The following UBP1 variants were observed in gnomAD, a reference collection of about 807,000 sequenced individuals.
The protein encoded by UBP1 is upstream binding protein 1.
UBP1 carries 22 observed loss-of-function variants against 76.1 expected under a neutral mutation model. The observed-to-expected ratio is 0.29, with a 90% CI of 0.21 to 0.41. The LOEUF (loss-of-function observed/expected upper bound fraction) is 0.41, where lower values mean the gene tolerates loss of function less well. Ranked by LOEUF, UBP1 falls within the 10% of genes least tolerant of loss-of-function variation. The pLI is 1.00. For synonymous variants in UBP1, 224 were observed against 237.1 expected (o/e 0.94, Z 0.51); for missense variants, 436 against 668.1 (o/e 0.65, Z 3.83).
intron 11 of UBP1, chr3:33,398,259 A>AT (rs975352680): frequency 6.6e-5 from 10 of 152,326 alleles, no homozygotes; most frequent in African/African-American, 2.4e-4. Flanking sequence ...TCATCTTTCT[A>AT]TTTTTTAAAG....
At chr3:33,432,048 C>A (rs1284057540) in intron 1 of UBP1, among the ~76,000 whole-genome samples, 2 of 152,164 alleles carry the variant, frequency 1.3e-5, no homozygotes, top group Non-Finnish European at 2.9e-5. Context: ...TTAAAACTGG[C>A]TGGGTGCAGT....
chr3:33,430,978 G>A (rs895887733), intron 1 of UBP1, among the ~76,000 whole-genome samples: 2 of 151,996 alleles, frequency 1.3e-5, no homozygotes, highest in African/African-American at 4.8e-5. Context: ...TTATAAAATC[G>A]TACTTACTCT....
Position 33,392,599 on chromosome 3 carries a change from G to GA in UBP1, c.1548dup (p.Gln517SerfsTer3). On this transcript the variant is annotated frameshift_variant, in exon 15 of 16. Coordinates refer to ENST00000283629, the MANE Select transcript of UBP1 (RefSeq NM_014517.5). LOFTEE classifies it high-confidence loss of function. ...GAGAATAAAAAACAACTCTCATCTT[G>GA]AAAATTCTGAACCATCTGGAAGGAT... 1 of 1,611,866 alleles carries GA rather than the reference G, an allele frequency of 6.2e-7. No individual in the cohort carries two copies. Among genetic ancestry groups the GA allele is most frequent in the South Asian group, 1.1e-5 (1 of 90,588 alleles).
intron 8 of UBP1, among the ~76,000 whole-genome samples, chr3:33,407,537 C>T (rs1290074815): frequency 1.4e-5 from 2 of 141,906 alleles, no homozygotes; most frequent in Admixed American, 7.2e-5. Flanking sequence ...ATCTTTGATT[C>T]GAATTTATTT....
intron 13 of UBP1, among the ~76,000 whole-genome samples, chr3:33,394,424 T>TC (rs1017517480): frequency 3.9e-4 from 59 of 151,928 alleles, no homozygotes; most frequent in African/African-American, 1.4e-3. Flanking sequence ...TATATGCCCC[T>TC]CCCCCACAAA....
intron 15 of UBP1, chr3:33,391,111 T>C (rs888820569): frequency 2.8e-4 from 43 of 152,370 alleles, no homozygotes; most frequent in African/African-American, 7.7e-4. Context: ...AGGCTAAAGA[T>C]GTTTCTGAAA....
chr3:33,397,296 C>A, intron 11 of UBP1, 161 bp from the exon 12 acceptor site: 1 of 506,170 alleles, frequency 2.0e-6, no homozygotes, highest in Non-Finnish European at 3.4e-6. Flanking sequence ...GACACCTGTC[C>A]TTCAGAGCCA....
In UBP1 at chr3:33,428,566, A is replaced by T. The variant is rs2154059504; in HGVS notation, c.114-2825T>A. 2.6e-5 allele frequency among the ~76,000 whole-genome samples: 4 copies of T among 152,238 alleles called. No individual in the cohort carries two copies. The South Asian group carries it at 8.3e-4, about 32-fold the overall frequency. The stretch of plus-strand genomic sequence containing the variant: ...TATTCACTTGGTTATAGTCTCCATG[A>T]TCCACACAGAAAATACTATGCTCAT... On this transcript the variant is annotated intron_variant, in intron 1 of 15. Coordinates refer to ENST00000283629, the MANE Select transcript of UBP1 (RefSeq NM_014517.5).
Position 33,403,135 on chromosome 3 carries a change from A to G in UBP1, c.928-231T>C, listed in dbSNP as rs1004349308. The G allele has an allele frequency of 4.5e-5, 20 of 443,214 alleles. 1 individual carries two copies. The highest frequency in any genetic ancestry group is 8.1e-5 in the Non-Finnish European group (20 of 245,532). The allele number at this position is 443,214 out of a possible 1,614,324, so 27.5% of individuals were successfully genotyped here. On this transcript the variant is annotated intron_variant, in intron 8 of 15. Transcript: ENST00000283629. ...ATCTTAGAGAAGACCTAAAGTGATG[A>G]CAGCAGCAAAAATTTATAAAGGCAT...
chr3:33,423,041 G>GTT (rs1275397357), intron 2 of UBP1, among the ~76,000 whole-genome samples: 1 of 126,858 alleles, frequency 7.9e-6, no homozygotes, highest in Admixed American at 9.3e-5. Context: ...TCAAAAAAAA[G>GTT]TTTGTTTTTT....
Position 33,396,276 on chromosome 3 carries a change from C to T in UBP1, c.1276G>A (p.Val426Ile), listed in dbSNP as rs776412735. The T allele has an allele frequency of 6.3e-7, 1 of 1,575,312 alleles. No individual in the cohort carries two copies. Among genetic ancestry groups the T allele is most frequent in the South Asian group, 1.1e-5 (1 of 88,224 alleles). The change falls in exon 13 of 16, where the codon GTT becomes ATT. Residue 426 changes from valine to isoleucine, a missense_variant. Physicochemically the swap from Val to Ile is conservative, Grantham distance 29. Around this residue, in one of 3 missense-constraint regions of UBP1, gnomAD observed 210 missense variants for 272.8 expected, o/e 0.77. Transcript: ENST00000283629. Reference sequence around the variant, plus strand: ...ACATAGATGGTTAAACGGGGTCTAACCGACCTGCAATCAGAAGATGCCACT... The same window carrying T: ...ACATAGATGGTTAAACGGGGTCTAATCGACCTGCAATCAGAAGATGCCACT... The part of the protein sequence containing the change: ...RLYNSLKSRS[V>I]RPRLTIYVCR...
At chr3:33,396,309 C>G (rs2043993211) in intron 12 of UBP1, 29 bp from the exon 13 acceptor site, 1 of 1,529,894 alleles carries the variant, frequency 6.5e-7, no homozygotes. Context: ...ACTGATGAGC[C>G]TGGGAGAGAA....
intron 8 of UBP1, among the ~76,000 whole-genome samples, chr3:33,407,008 C>G (rs2044445152): frequency 6.6e-6 from 1 of 152,200 alleles, no homozygotes; most frequent in African/African-American, 2.4e-5. Context: ...CCAATTGTAA[C>G]TAGCCAAAAA....
At chr3:33,434,132 G>A (rs1439045164) in intron 1 of UBP1, among the ~76,000 whole-genome samples, 1 of 152,026 alleles carries the variant, frequency 6.6e-6, no homozygotes, top group Admixed American at 6.6e-5. Flanking sequence ...GATATAAACT[G>A]TACTATATCT....
At chr3:33,396,897 C>T (rs1242509506) in intron 12 of UBP1, 148 bp downstream of exon 12, 10 of 761,034 alleles carry the variant, frequency 1.3e-5, no homozygotes, top group African/African-American at 6.9e-5. Flanking sequence ...GTACACAAAA[C>T]AGTCTTCTTG....
At chr3:33,398,981 A>G (rs573329657) in intron 11 of UBP1, among the ~76,000 whole-genome samples, 1 of 152,378 alleles carries the variant, frequency 6.6e-6, no homozygotes, top group East Asian at 1.9e-4. Context: ...AAAGAGACAA[A>G]GAAGTACACG....
chr3:33,413,579 A>G (rs898061314), intron 3 of UBP1, among the ~76,000 whole-genome samples: 2 of 151,924 alleles, frequency 1.3e-5, no homozygotes, highest in African/African-American at 4.8e-5. Flanking sequence ...TGAGTTTTGA[A>G]AAAAAAGAAC....
At chr3:33,416,904 A>G (rs1559684518) in intron 2 of UBP1, 70 bp from the exon 3 acceptor site, 1 of 1,313,248 alleles carries the variant, frequency 7.6e-7, no homozygotes, top group Non-Finnish European at 1.1e-6. Context: ...ATAATTCAAA[A>G]TGCATGTTTC....
chr3:33,409,410 T>C, intron 6 of UBP1, 39 bp downstream of exon 6: 1 of 1,613,944 alleles, frequency 6.2e-7, no homozygotes, highest in Non-Finnish European at 8.5e-7. Flanking sequence ...CAGGCAAAAC[T>C]GAGCCTTAAT....
Sources: allele counts gnomAD v4.1 joint callset (sites outside exome capture counted in the v4.1 genomes callset), GRCh38; gene constraint gnomAD v4.1.1; regional missense constraint gnomAD v4.1.1; transcripts MANE v1.5; gene names NCBI Gene and HGNC (gene_info 2026-07-23, HGNC 2026-07-21).